Variants in WDR26 observed in about 807,000 individuals in gnomAD.
WDR26 encodes WD repeat domain 26, also known as WD repeat-containing protein 26.
Under a neutral mutation model 84.1 loss-of-function variants are expected in WDR26, and 5 were observed. The observed-to-expected ratio is 0.06, with a 90% CI of 0.03 to 0.13. The LOEUF is 0.13. WDR26 is among the 10% of genes least tolerant of loss of function. The pLI, the probability that WDR26 is intolerant of heterozygous loss-of-function variation, is 1.00. For synonymous variants in WDR26, 415 were observed against 389.6 expected, an observed-to-expected ratio of 1.07 and a Z score of -0.77; for missense variants, 642 against 974.9, an observed-to-expected ratio of 0.66 and a Z score of 4.55.
At chr1:224,396,650 G>A (rs894537798) in intron 12 of WDR26, among the ~76,000 whole-genome samples, 1 of 152,114 alleles carries the variant, frequency 6.6e-6, no homozygotes, top group African/African-American at 2.4e-5. Context: ...GCTGATTTTC[G>A]GTAGAAAGAA....
At chr1:224,401,937 G>T (rs7547931) in intron 8 of WDR26, 27,943 of 151,980 alleles carry the variant, frequency 0.18, 2,826 homozygotes, top group Middle Eastern at 0.23. Flanking sequence ...ATATTTAGTG[G>T]CTACAACCCT....
chr1:224,423,452 A>G (rs1674121708), intron 4 of WDR26, among the ~76,000 whole-genome samples: 1 of 152,184 alleles, frequency 6.6e-6, no homozygotes, highest in Admixed American at 6.5e-5. Flanking sequence ...TGAATCCAGA[A>G]TTTTGTTTTG....
intron 4 of WDR26, among the ~76,000 whole-genome samples, chr1:224,423,359 G>GT (rs1190362483): frequency 6.6e-6 from 1 of 152,174 alleles, no homozygotes; most frequent in African/African-American, 2.4e-5. Context: ...TGCCAGCCCT[G>GT]TGAGTTTTCA....
chr1:224,393,685 G>C, intron 13 of WDR26, 143 bp downstream of exon 13: 1 of 615,004 alleles, frequency 1.6e-6, no homozygotes, highest in East Asian at 3.1e-5. Flanking sequence ...TCATTCTGTG[G>C]CCTGAGATAG....
chr1:224,418,465 CTTTTA>C (rs1444797625), intron 5 of WDR26, 49 bp from the exon 6 acceptor site: 4 of 1,506,122 alleles, frequency 2.7e-6, no homozygotes, highest in Non-Finnish European at 3.6e-6. Context: ...AAACTGTAAA[CTTTTA>C]TTTAAGACAT....
chr1:224,398,280 T>G, intron 11 of WDR26, 54 bp from the exon 12 acceptor site: 3 of 1,573,758 alleles, frequency 1.9e-6, no homozygotes, highest in East Asian at 2.3e-5. Context: ...AAACAAATTT[T>G]AAAAAGTATC....
intron 13 of WDR26, among the ~76,000 whole-genome samples, chr1:224,390,796 AAAAAC>A (rs1287397530): frequency 6.6e-6 from 1 of 152,158 alleles, no homozygotes; most frequent in Non-Finnish European, 1.5e-5. Context: ...CAAAAACAAA[AAAAAC>A]AAAAGTGTAA....
At chr1:224,404,182 A>G (rs543436840) in intron 8 of WDR26, among the ~76,000 whole-genome samples, 1 of 152,328 alleles carries the variant, frequency 6.6e-6, no homozygotes, top group East Asian at 1.9e-4. Flanking sequence ...AGTAAATAGC[A>G]TAAATTCCAT....
chr1:224,407,943 GTC>G (rs373358566), intron 7 of WDR26, among the ~76,000 whole-genome samples: 2 of 152,128 alleles, frequency 1.3e-5, no homozygotes, highest in Admixed American at 6.6e-5. Context: ...GTCTCTAAAA[GTC>G]TCTCTGTTTC....
rs149995544 is a variant in WDR26, at chr1:224,415,453, C to CTTTTTTTTTTTTTTTTTTT, written c.1319+2788_1319+2806dup. ...ACAATTCTGGAACACGTATTTCTTT[C>CTTTTTTTTTTTTTTTTTTT]TTTTTTTTTTTTTTTTTTTTTTTTT... On this transcript the variant is annotated intron_variant, in intron 6 of 13. Transcript: ENST00000414423. Among the ~76,000 whole-genome samples, 17 of 82,336 alleles carry CTTTTTTTTTTTTTTTTTTT rather than the reference C, an allele frequency of 2.1e-4. 1 individual carries two copies. Among genetic ancestry groups the CTTTTTTTTTTTTTTTTTTT allele is most frequent in the African/African-American group, 7.3e-4 (15 of 20,546 alleles). The allele number at this position is 82,336 out of a possible 152,430, so 54.0% of individuals were successfully genotyped here. A position where few individuals can be genotyped will look rare whatever the true frequency, so the allele number is the denominator to read the frequency against.
chr1:224,424,423 T>G, intron 4 of WDR26, 95 bp downstream of exon 4: 2 of 1,490,460 alleles, frequency 1.3e-6, no homozygotes, highest in South Asian at 2.6e-5. Flanking sequence ...ATCTAAGAAT[T>G]TAGCAATAAT....
At position 224,404,523 on chromosome 1, in the gene WDR26, A is replaced by G. The variant is rs1386079214; in HGVS notation, c.1506T>C (p.Tyr502=). The G allele has an allele frequency of 1.9e-6, 3 of 1,613,964 alleles. No homozygotes were observed. Among genetic ancestry groups the G allele is most frequent in the Middle Eastern group, 3.3e-4 (2 of 6,082 alleles). Residue 502 remains tyrosine, a synonymous_variant, in exon 8 of 14, where the codon TAT becomes TAC. Coordinates refer to ENST00000414423, the MANE Select transcript of WDR26 (RefSeq NM_001379403.1). ...GACTCCATGCAATATAAGAAACGCC[A>G]TAAGCATGTCCTTCTAATGTTTTAA...
chr1:224,390,764 C>T (rs1402038789), intron 13 of WDR26, among the ~76,000 whole-genome samples: 1 of 151,916 alleles, frequency 6.6e-6, no homozygotes, highest in Non-Finnish European at 1.5e-5. Flanking sequence ...AGTGAGACTC[C>T]ATCTCAAAAC....
At chr1:224,408,949 A>G (rs918976275) in intron 7 of WDR26, among the ~76,000 whole-genome samples, 29 of 152,154 alleles carry the variant, frequency 1.9e-4, no homozygotes, top group African/African-American at 5.8e-4. Context: ...ACACAACTCT[A>G]TTATTATTAA....
chr1:224,392,307 G>A (rs1558413208), intron 13 of WDR26, among the ~76,000 whole-genome samples: 4 of 151,570 alleles, frequency 2.6e-5, no homozygotes, highest in Admixed American at 6.6e-5. Flanking sequence ...CTTGCAGTGA[G>A]CCGAGATCGC....
intron 8 of WDR26, 52 bp downstream of exon 8, chr1:224,404,378 C>T: frequency 1.3e-6 from 2 of 1,589,090 alleles, no homozygotes; most frequent in Non-Finnish European, 1.7e-6. Flanking sequence ...TGAATATGTA[C>T]ATTATGACTA....
intron 3 of WDR26, chr1:224,429,672 G>A (rs528033307): frequency 1.3e-5 from 2 of 152,252 alleles, no homozygotes; most frequent in South Asian, 4.2e-4. Flanking sequence ...GATGGCATGA[G>A]GCTCAGCCAG....
Position 224,407,151 on chromosome 1 carries a change from A to AAAAAAAAATATAT in WDR26, c.1459-2582_1459-2581insATATATTTTTTTT. 2.5e-4 allele frequency among the ~76,000 whole-genome samples: 3 copies of AAAAAAAAATATAT among 11,876 alleles called. 1 individual carries two copies. Among genetic ancestry groups the AAAAAAAAATATAT allele is most frequent in the Non-Finnish European group, 4.2e-4 (3 of 7,118 alleles). 7.8% of individuals were successfully genotyped at this position (11,876 alleles called of 152,430 possible). A position where few individuals can be genotyped will look rare whatever the true frequency, so the allele number is the denominator to read the frequency against. On this transcript the variant is annotated intron_variant, in intron 7 of 13. Coordinates refer to ENST00000414423, the MANE Select transcript of WDR26 (RefSeq NM_001379403.1). ...AAAAAAAAAAAAAAAAAAAAAAAAA[A>AAAAAAAAATATAT]ATATATATATATATATATATAACTC...
chr1:224,414,399 C>A lies in WDR26; in HGVS notation c.1320-2834G>T, dbSNP rs1673832674. ...GGGATTACAGGTGTGAGCCACCATG[C>A]CCTGCCTAGAAATTGTATACAATCT... On this transcript the variant is annotated intron_variant, in intron 6 of 13. Transcript: ENST00000414423. Among the ~76,000 whole-genome samples, 4 of 152,230 alleles carry A rather than the reference C, an allele frequency of 2.6e-5. No homozygotes were observed. The South Asian group carries it at 8.3e-4, about 32-fold the overall frequency.
Sources: allele counts gnomAD v4.1 joint callset (sites outside exome capture counted in the v4.1 genomes callset), GRCh38; gene constraint gnomAD v4.1.1; transcripts MANE v1.5; gene names NCBI Gene and HGNC (gene_info 2026-07-23, HGNC 2026-07-21).